SORCS1: variants seen among roughly 807,000 people sequenced by gnomAD.
SORCS1 encodes the protein sortilin related VPS10 domain containing receptor 1, also known as VPS10 domain-containing receptor SorCS1.
In SORCS1, 60 loss-of-function variants were observed where a neutral mutation model predicts 146.1. That is an observed-to-expected ratio of 0.41 (90% CI 0.33 to 0.51). SORCS1 has a LOEUF of 0.51. Ranked by LOEUF, SORCS1 falls within the 20% of genes least tolerant of loss-of-function variation. The pLI is 0.21. For synonymous variants in SORCS1, 637 were observed against 584.0 expected, an observed-to-expected ratio of 1.09 and a Z score of -1.31; for missense variants, 1,352 against 1,487.6, an observed-to-expected ratio of 0.91 and a Z score of 1.50.
At chr10:106,804,733 A>T (rs1589922124) in intron 3 of SORCS1, among the ~76,000 whole-genome samples, 1 of 152,224 alleles carries the variant, frequency 6.6e-6, no homozygotes, top group East Asian at 1.9e-4. Flanking sequence ...TGCACTCACA[A>T]GTGATAGTGA....
chr10:106,950,877 C>T (rs1168225233), intron 2 of SORCS1, among the ~76,000 whole-genome samples: 1 of 152,144 alleles, frequency 6.6e-6, no homozygotes, highest in Non-Finnish European at 1.5e-5. Context: ...TCATGCCAGA[C>T]ACACAGTGAA....
intron 2 of SORCS1, among the ~76,000 whole-genome samples, chr10:106,924,889 G>A (rs748263454): frequency 6.6e-6 from 1 of 151,406 alleles, no homozygotes; most frequent in Non-Finnish European, 1.5e-5. Flanking sequence ...AGGTTTATAT[G>A]TTTTCATTCT....
chr10:107,065,074 T>C (rs1338137683), intron 1 of SORCS1, among the ~76,000 whole-genome samples: 1 of 152,130 alleles, frequency 6.6e-6, no homozygotes, highest in East Asian at 1.9e-4. Context: ...GAAAAGTATA[T>C]AATTGACTGA....
intron 3 of SORCS1, among the ~76,000 whole-genome samples, chr10:106,818,207 A>G (rs1947836955): frequency 6.6e-6 from 1 of 152,206 alleles, no homozygotes; most frequent in African/African-American, 2.4e-5. Flanking sequence ...CATGCTGAAT[A>G]TATCAAATCT....
upstream of SORCS1, among the ~76,000 whole-genome samples, chr10:107,167,976 A>G (rs193299139): frequency 5.3e-5 from 8 of 152,276 alleles, no homozygotes; most frequent in Non-Finnish European, 1.2e-4. Context: ...AAAAGGATAA[A>G]AAATATAATT....
In SORCS1 at chr10:107,001,556, C is replaced by T. The variant is rs572365953; in HGVS notation, c.559-44976G>A. Among the ~76,000 whole-genome samples the T allele has an allele frequency of 3.9e-5, 6 of 152,250 alleles. No individual in the cohort carries two copies. The South Asian group carries it at 6.2e-4, about 16-fold the overall frequency. ...AAACGATTTAGCAACCTCCGTCTCC[C>T]GGGTTCAAGCGATTCTCCTGCCTCA... On this transcript the variant is annotated intron_variant, in intron 1 of 25. Coordinates refer to ENST00000263054, the MANE Select transcript of SORCS1 (RefSeq NM_052918.5).
chr10:107,012,417 G>A (rs1282771604), intron 1 of SORCS1, among the ~76,000 whole-genome samples: 1 of 152,166 alleles, frequency 6.6e-6, no homozygotes. Context: ...TGGGAATAAT[G>A]GACATGATAC....
intron 1 of SORCS1, among the ~76,000 whole-genome samples, chr10:107,085,579 A>C (rs1343475102): frequency 2.6e-5 from 4 of 152,302 alleles, no homozygotes; most frequent in South Asian, 2.1e-4. Context: ...GATAGATGTC[A>C]CTCTGAAGAC....
chr10:106,623,282 G>A (rs1043634916), intron 19 of SORCS1, among the ~76,000 whole-genome samples: 4 of 143,474 alleles, frequency 2.8e-5, no homozygotes, highest in African/African-American at 7.8e-5. Flanking sequence ...TCACTCTGTC[G>A]CTCAGGCTGG....
intron 1 of SORCS1, among the ~76,000 whole-genome samples, chr10:107,095,038 C>G (rs1590123495): frequency 6.6e-6 from 1 of 152,256 alleles, no homozygotes; most frequent in African/African-American, 2.4e-5. Context: ...ATGTAAAAAT[C>G]CCCCCTGGCC....
At chr10:107,137,239 T>A (rs955907906) in intron 1 of SORCS1, among the ~76,000 whole-genome samples, 8 of 152,200 alleles carry the variant, frequency 5.3e-5, no homozygotes, top group Non-Finnish European at 8.8e-5. Flanking sequence ...AGGCACTGGA[T>A]GACACAGGTG....
At position 107,068,933 on chromosome 10, in the gene SORCS1, G is replaced by A. The variant is rs558783483; in HGVS notation, c.558+95036C>T. Among the ~76,000 whole-genome samples, 12 of 151,020 alleles carry A rather than the reference G, an allele frequency of 7.9e-5. No individual in the cohort carries two copies. In the South Asian group the frequency reaches 1.0e-3, roughly 13 times the overall value. ...TTTTCTTGGGGTGGAGGGAGGCATC[G>A]CCCAAGTACAATAAGCAATTATATA... On this transcript the variant is annotated intron_variant, in intron 1 of 25. Coordinates refer to ENST00000263054, the MANE Select transcript of SORCS1 (RefSeq NM_052918.5).
chr10:107,031,392 G>A (rs566261983), intron 1 of SORCS1, among the ~76,000 whole-genome samples: 1 of 152,040 alleles, frequency 6.6e-6, no homozygotes, highest in South Asian at 2.1e-4. Flanking sequence ...CAATCTGAAA[G>A]CAACTGATCA....
chr10:107,046,459 T>C (rs1328902080), intron 1 of SORCS1, among the ~76,000 whole-genome samples: 1 of 151,970 alleles, frequency 6.6e-6, no homozygotes, highest in Non-Finnish European at 1.5e-5. Context: ...CTACTAATAA[T>C]ATATCTATAT....
chr10:107,124,202 G>T (rs1966572973), intron 1 of SORCS1, among the ~76,000 whole-genome samples: 1 of 152,182 alleles, frequency 6.6e-6, no homozygotes, highest in Non-Finnish European at 1.5e-5. Context: ...TGTGTTTACA[G>T]GTATGTGTTG....
At chr10:106,885,013 T>G (rs776784465) in intron 2 of SORCS1, among the ~76,000 whole-genome samples, 1 of 152,192 alleles carries the variant, frequency 6.6e-6, no homozygotes, top group Non-Finnish European at 1.5e-5. Context: ...CATGTAATCA[T>G]CAAGGATAAA....
intron 4 of SORCS1, among the ~76,000 whole-genome samples, chr10:106,766,161 A>C (rs557739972): frequency 7.4e-4 from 112 of 152,206 alleles, no homozygotes; most frequent in African/African-American, 2.6e-3. Flanking sequence ...GGCTCTTTTC[A>C]AGGTTGCCTG....
intron 1 of SORCS1, among the ~76,000 whole-genome samples, chr10:106,990,960 C>G (rs936352565): frequency 2.0e-5 from 3 of 152,148 alleles, no homozygotes; most frequent in Non-Finnish European, 4.4e-5. Context: ...CTAAAATAAT[C>G]TTGCTTAAAG....
At chr10:106,589,870 C>A (rs563640074) in intron 24 of SORCS1, among the ~76,000 whole-genome samples, 74 of 139,854 alleles carry the variant, frequency 5.3e-4, no homozygotes, top group African/African-American at 2.1e-3. Flanking sequence ...GAAAAAACCC[C>A]AAAATCCTTC....
Sources: gnomAD v4.1 joint callset for allele counts (sites outside exome capture counted in the v4.1 genomes callset) on GRCh38, gnomAD v4.1.1 for gene constraint, MANE v1.5 for transcripts, NCBI Gene and HGNC (gene_info 2026-07-23, HGNC 2026-07-21) for gene names.